The following ADAMTSL3 variants were observed in gnomAD, a reference collection of about 807,000 sequenced individuals.
ADAMTSL3 encodes ADAMTS-like protein 3.
Under a neutral mutation model 201.7 loss-of-function variants are expected in ADAMTSL3, and 128 were observed. That is an observed-to-expected ratio of 0.63 (90% CI 0.55 to 0.73). The LOEUF (loss-of-function observed/expected upper bound fraction) is 0.73. ADAMTSL3 is among the 30% of genes least tolerant of loss of function. The pLI is 0.00. For missense variants in ADAMTSL3, 1,990 were observed against 2,119.6 expected (o/e 0.94, Z 1.20); for synonymous variants, 738 against 748.4 (o/e 0.99, Z 0.23).
At position 83,655,827 on chromosome 15, in the gene ADAMTSL3, G is replaced by A. The variant is rs144412248; in HGVS notation, c.66G>A (p.Pro22=). The A allele has an allele frequency of 2.4e-4, 387 of 1,613,800 alleles. No individual in the cohort carries two copies. Among genetic ancestry groups the A allele is most frequent in the East Asian group, 8.0e-4 (36 of 44,864 alleles). ...TGGTCTTCATGCACTCTCCCCTCCCGCAGGTAAGGTCATATAGGGAGGGGA... is the reference window on the plus strand; with the variant it reads ...TGGTCTTCATGCACTCTCCCCTCCCACAGGTAAGGTCATATAGGGAGGGGA... ...IGMVFMHSPL[P]QTTAEKSPGA... The change falls in exon 2 of 30, where the codon CCG becomes CCA. Residue 22 remains proline, a synonymous_variant. Coordinates refer to ENST00000286744, the MANE Select transcript of ADAMTSL3 (RefSeq NM_207517.3).
At chr15:84,035,018 C>T (rs2068479212) in intron 28 of ADAMTSL3, among the ~76,000 whole-genome samples, 1 of 152,128 alleles carries the variant, frequency 6.6e-6, no homozygotes, top group Non-Finnish European at 1.5e-5. Flanking sequence ...GAAGTTACGC[C>T]CTCTACTGGA....
chr15:83,738,946 A>G (rs1326760049), intron 3 of ADAMTSL3, among the ~76,000 whole-genome samples: 1 of 139,648 alleles, frequency 7.2e-6, no homozygotes, highest in Non-Finnish European at 1.5e-5. Context: ...CCAGTCCACA[A>G]GAAAAAAAAT....
chr15:84,025,847 A>G (rs567030906), intron 27 of ADAMTSL3, among the ~76,000 whole-genome samples: 2 of 152,372 alleles, frequency 1.3e-5, no homozygotes, highest in Non-Finnish European at 2.9e-5. Context: ...GTAGGAACCC[A>G]TAAATAAAAA....
intron 4 of ADAMTSL3, among the ~76,000 whole-genome samples, chr15:83,777,835 C>T (rs1422108573): frequency 6.6e-6 from 1 of 152,108 alleles, no homozygotes; most frequent in Admixed American, 6.5e-5. Context: ...TGAGCTATAG[C>T]AGTATGTTGA....
chr15:83,785,617 A>G (rs182770429), intron 4 of ADAMTSL3, among the ~76,000 whole-genome samples: 1 of 152,238 alleles, frequency 6.6e-6, no homozygotes, highest in African/African-American at 2.4e-5. Context: ...TTACCCTGGC[A>G]CATGGTGACC....
At chr15:83,995,500 A>G (rs1398443138) in intron 23 of ADAMTSL3, among the ~76,000 whole-genome samples, 1 of 152,218 alleles carries the variant, frequency 6.6e-6, no homozygotes, top group Non-Finnish European at 1.5e-5. Flanking sequence ...TTATCACTAT[A>G]TCTGTTCAAC....
At chr15:83,950,651 C>T (rs975613058) in intron 19 of ADAMTSL3, among the ~76,000 whole-genome samples, 13 of 151,946 alleles carry the variant, frequency 8.6e-5, no homozygotes, top group Non-Finnish European at 2.9e-5. Context: ...AATATCTTTC[C>T]ATTTTTTATA....
chr15:83,790,220 T>C (rs1475248914), intron 4 of ADAMTSL3, among the ~76,000 whole-genome samples: 1 of 146,812 alleles, frequency 6.8e-6, no homozygotes, highest in Non-Finnish European at 1.5e-5. Context: ...AGGAATACTT[T>C]CCAATTCATT....
chr15:83,800,499 A>G (rs192452884), intron 4 of ADAMTSL3, among the ~76,000 whole-genome samples: 1 of 152,276 alleles, frequency 6.6e-6, no homozygotes, highest in East Asian at 1.9e-4. Flanking sequence ...CAGCCATAAG[A>G]TACCTTTGAT....
intron 16 of ADAMTSL3, among the ~76,000 whole-genome samples, chr15:83,921,692 T>C (rs1335870105): frequency 2.0e-5 from 3 of 152,176 alleles, no homozygotes; most frequent in African/African-American, 2.4e-5. Context: ...ATAAAAAATA[T>C]GTATGTATTT....
chr15:83,857,500 A>G (rs757270759), intron 7 of ADAMTSL3, among the ~76,000 whole-genome samples: 1 of 152,020 alleles, frequency 6.6e-6, no homozygotes, highest in African/African-American at 2.4e-5. Flanking sequence ...AGTATTCCTG[A>G]GTATGGATGT....
chr15:83,857,000 T>G (rs77520126), intron 7 of ADAMTSL3, among the ~76,000 whole-genome samples: 1,555 of 152,224 alleles, frequency 0.01, 31 homozygotes, highest in African/African-American at 0.035. Context: ...GTTATTTTTT[T>G]TGTGTGTAAT....
chr15:83,999,457 A>G (rs2067748504), intron 23 of ADAMTSL3, among the ~76,000 whole-genome samples: 1 of 152,240 alleles, frequency 6.6e-6, no homozygotes, highest in African/African-American at 2.4e-5. Flanking sequence ...CTAGAATTCT[A>G]AATACATTAT....
chr15:83,666,245 G>A (rs968119076), intron 2 of ADAMTSL3, among the ~76,000 whole-genome samples: 1 of 152,106 alleles, frequency 6.6e-6, no homozygotes, highest in Non-Finnish European at 1.5e-5. Context: ...TATTCCTGCT[G>A]TTACATCATT....
intron 19 of ADAMTSL3, among the ~76,000 whole-genome samples, chr15:83,956,557 T>G (rs2066865217): frequency 6.6e-6 from 1 of 152,172 alleles, no homozygotes; most frequent in Non-Finnish European, 1.5e-5. Context: ...ATAGTGTCTT[T>G]TTAGACTGAA....
rs141985874 is a variant in ADAMTSL3, at chr15:83,944,057, G to A, written c.2490+975G>A. ...GATTCATGTCCTGGGCAGATGGAGC[G>A]AGATGGTGAGAGATTTCATCACACT... On this transcript the variant is annotated intron_variant, in intron 19 of 29. Transcript: ENST00000286744. Among the ~76,000 whole-genome samples, 7 of 152,256 alleles carry A rather than the reference G, an allele frequency of 4.6e-5. No homozygotes were observed. The East Asian group carries it at 5.8e-4, about 13-fold the overall frequency.
chr15:83,823,133 C>T (rs1395024954), intron 6 of ADAMTSL3, among the ~76,000 whole-genome samples: 21 of 142,454 alleles, frequency 1.5e-4, no homozygotes, highest in Non-Finnish European at 1.1e-4. Flanking sequence ...TGCAGTGAGC[C>T]GAGATGGCAG....
chr15:83,980,191 C>T (rs1228700076), intron 20 of ADAMTSL3, among the ~76,000 whole-genome samples: 2 of 152,140 alleles, frequency 1.3e-5, no homozygotes, highest in Non-Finnish European at 2.9e-5. Flanking sequence ...TAAACAGCCT[C>T]TGCTGGAACC....
intron 4 of ADAMTSL3, among the ~76,000 whole-genome samples, chr15:83,793,628 C>T (rs1169511437): frequency 1.3e-5 from 2 of 152,112 alleles, no homozygotes; most frequent in African/African-American, 2.4e-5. Flanking sequence ...AGGCATGCGC[C>T]ACTATGCCTG....
Sources: allele counts gnomAD v4.1 joint callset (sites outside exome capture counted in the v4.1 genomes callset), GRCh38; gene constraint gnomAD v4.1.1; transcripts MANE v1.5; gene names NCBI Gene and HGNC (gene_info 2026-07-23, HGNC 2026-07-21).